The following TRIM58 variants were observed in gnomAD, a reference collection of about 807,000 sequenced individuals.
The protein encoded by TRIM58 is tripartite motif containing 58, also known as E3 ubiquitin-protein ligase TRIM58.
TRIM58 carries 38 observed loss-of-function variants against 34.1 expected under a neutral mutation model. The observed-to-expected ratio is 1.12, with a 90% CI of 0.86 to 1.46. The LOEUF (loss-of-function observed/expected upper bound fraction) is 1.46. TRIM58 is among the 40% of genes most tolerant of loss of function. TRIM58 has a pLI of 0.00. For missense variants in TRIM58, 677 were observed against 642.0 expected (o/e 1.05, Z -0.59); for synonymous variants, 273 against 275.7 (o/e 0.99, Z 0.10).
chr1:247,868,362 C>G (rs1663977780), intron 5 of TRIM58, among the ~76,000 whole-genome samples: 1 of 152,064 alleles, frequency 6.6e-6, no homozygotes, highest in Admixed American at 6.5e-5. Flanking sequence ...GTGCTGGGAG[C>G]CATAGAAAAG....
At chr1:247,874,111 G>T (rs1659217892) in intron 5 of TRIM58, among the ~76,000 whole-genome samples, 1 of 152,178 alleles carries the variant, frequency 6.6e-6, no homozygotes, top group Admixed American at 6.5e-5. Context: ...GTCTGATTTT[G>T]CATTGCTATA....
Position 247,876,769 on chromosome 1 carries a change from G to T in TRIM58, c.*280G>T. 8 of 405,916 alleles carry T rather than the reference G, an allele frequency of 2.0e-5. No homozygotes were observed. The highest frequency in any genetic ancestry group is 7.8e-5 in the South Asian group (2 of 25,800). The allele number at this position is 405,916 out of a possible 1,614,324, so 25.1% of individuals were successfully genotyped here. A position where few individuals can be genotyped will look rare whatever the true frequency, so the allele number is the denominator to read the frequency against. ...AAATTAATGACCTTGGATTACATAAGGATTTCTATGCATTCATTATAATTT... is the reference window on the plus strand; with the variant it reads ...AAATTAATGACCTTGGATTACATAATGATTTCTATGCATTCATTATAATTT... On this transcript the variant is annotated 3_prime_UTR_variant, in exon 6 of 6. Transcript: ENST00000366481.
intron 5 of TRIM58, 124 bp downstream of exon 5, chr1:247,868,187 A>G (rs573624218): frequency 1.5e-5 from 11 of 753,650 alleles, no homozygotes; most frequent in African/African-American, 1.2e-4. Flanking sequence ...GTTTGTCACT[A>G]TGCCAGTCAG....
In TRIM58 at chr1:247,876,665, A is replaced by G; in HGVS notation, c.*176A>G. ...ATATGAAATATTTGCATATGGGAAG[A>G]TTATAGAGCATAATAATTTTGTAAA... On this transcript the variant is annotated 3_prime_UTR_variant, in exon 6 of 6. Coordinates refer to ENST00000366481, the MANE Select transcript of TRIM58 (RefSeq NM_015431.4). The G allele has an allele frequency of 1.7e-6, 1 of 591,150 alleles. No homozygotes were observed. The highest frequency in any genetic ancestry group is 2.2e-5 in the South Asian group (1 of 44,668). 36.6% of individuals were successfully genotyped at this position (591,150 alleles called of 1,614,324 possible).
intron 1 of TRIM58, among the ~76,000 whole-genome samples, chr1:247,858,825 A>G (rs915642839): frequency 1.1e-4 from 15 of 132,858 alleles, no homozygotes; most frequent in Non-Finnish European, 2.2e-4. Context: ...CAGTGGCGCA[A>G]TCTCGGCTCA....
chr1:247,872,653 A>T (rs867217735), intron 5 of TRIM58, among the ~76,000 whole-genome samples: 1 of 152,230 alleles, frequency 6.6e-6, no homozygotes, highest in East Asian at 1.9e-4. Context: ...AGCTAAGCAC[A>T]TGCATTGGGA....
intron 5 of TRIM58, among the ~76,000 whole-genome samples, chr1:247,873,500 A>C (rs1307369946): frequency 6.6e-6 from 1 of 152,118 alleles, no homozygotes; most frequent in Non-Finnish European, 1.5e-5. Context: ...ATCCATGGAG[A>C]CCTACCTTTC....
intron 3 of TRIM58, 107 bp downstream of exon 3, chr1:247,865,042 A>G: frequency 2.8e-6 from 3 of 1,062,888 alleles, no homozygotes; most frequent in Non-Finnish European, 2.6e-6. Flanking sequence ...CTTTAGGAAA[A>G]GGGCACCCTC....
Position 247,877,762 on chromosome 1 carries a change from A to T in TRIM58, c.*1273A>T, listed in dbSNP as rs1246672762. The T allele has an allele frequency of 6.6e-6, 1 of 152,216 alleles. No individual in the cohort carries two copies. Among genetic ancestry groups the T allele is most frequent in the African/African-American group, 2.4e-5 (1 of 41,456 alleles). The allele number at this position is 152,216 out of a possible 1,614,324, so 9.4% of individuals were successfully genotyped here. ...TTATAATGATGATGATGAAATCATG[A>T]TAATATTTAACTTATTTTTAAAGTA... On this transcript the variant is annotated 3_prime_UTR_variant, in exon 6 of 6. Coordinates refer to ENST00000366481, the MANE Select transcript of TRIM58 (RefSeq NM_015431.4).
chr1:247,857,673 C>G lies in TRIM58; in HGVS notation c.420+7C>G. 2.4e-6 allele frequency: 3 copies of G among 1,225,004 alleles called. No individual in the cohort carries two copies. Among genetic ancestry groups the G allele is most frequent in the Non-Finnish European group, 2.0e-6 (2 of 983,504 alleles). 75.9% of individuals were successfully genotyped at this position (1,225,004 alleles called of 1,614,324 possible). On this transcript the variant is annotated splice_region_variant and intron_variant, in intron 1 of 5. Coordinates refer to ENST00000366481, the MANE Select transcript of TRIM58 (RefSeq NM_015431.4). ...GGCCGCCGGCAGCTACCAGGTGAGGCGCCCCCCGGCGGGGGCTGCGGGCGC... is the reference window on the plus strand; with the variant it reads ...GGCCGCCGGCAGCTACCAGGTGAGGGGCCCCCCGGCGGGGGCTGCGGGCGC...
rs11204535 is a variant in TRIM58, at chr1:247,878,297, A to G, written c.*1808A>G. 35,475 of 152,130 alleles carry G rather than the reference A, an allele frequency of 0.23. 4,750 individuals carry two copies. Among genetic ancestry groups the G allele is most frequent in the East Asian group, 0.33 (1,710 of 5,178 alleles). The allele number at this position is 152,130 out of a possible 1,614,324, so 9.4% of individuals were successfully genotyped here. On this transcript the variant is annotated 3_prime_UTR_variant, in exon 6 of 6. Transcript: ENST00000366481. Reference sequence around the variant, plus strand: ...GGCAAATTATTTAACATTATCTGATAATAATCTGCAGAAGGTTTAATTTTC... The same window carrying G: ...GGCAAATTATTTAACATTATCTGATGATAATCTGCAGAAGGTTTAATTTTC...
chr1:247,861,979 T>A (rs1022139728), intron 2 of TRIM58, among the ~76,000 whole-genome samples: 15 of 151,102 alleles, frequency 9.9e-5, no homozygotes, highest in Admixed American at 9.9e-4. Flanking sequence ...CAAAAAAAAA[T>A]TAGCCAGGCG....
intron 2 of TRIM58, among the ~76,000 whole-genome samples, chr1:247,863,399 A>G (rs527989468): frequency 5.9e-5 from 9 of 152,030 alleles, no homozygotes; most frequent in Non-Finnish European, 1.2e-4. Context: ...TTAGCTGGGC[A>G]TGGTGCTGCG....
rs1558354310 is a variant in TRIM58 at position 247,876,991 on chromosome 1, T to TC, written c.*502_*503insC. 103 of 156,386 alleles carry TC rather than the reference T, an allele frequency of 6.6e-4. No homozygotes were observed. Among genetic ancestry groups the TC allele is most frequent in the Admixed American group, 1.1e-3 (18 of 16,134 alleles). The allele number at this position is 156,386 out of a possible 1,614,324, so 9.7% of individuals were successfully genotyped here. A position where few individuals can be genotyped will look rare whatever the true frequency, so the allele number is the denominator to read the frequency against. On this transcript the variant is annotated 3_prime_UTR_variant, in exon 6 of 6. Transcript: ENST00000366481. The stretch of plus-strand genomic sequence containing the variant: ...TCTCTCCCTGTCACTCTCTCTCTCT[T>TC]GTTCCTTATTTTTTGTTTCTTACCT...
intron 3 of TRIM58, among the ~76,000 whole-genome samples, chr1:247,867,547 T>TA (rs1030215537): frequency 2.0e-5 from 3 of 151,150 alleles, no homozygotes; most frequent in South Asian, 4.2e-4. Flanking sequence ...TACAAAAAAA[T>TA]AAAAAAAATT....
At chr1:247,873,639 G>C (rs1320880721) in intron 5 of TRIM58, among the ~76,000 whole-genome samples, 1 of 152,178 alleles carries the variant, frequency 6.6e-6, no homozygotes, top group Non-Finnish European at 1.5e-5. Context: ...ATAATGCAAT[G>C]CGCAGTTACG....
At position 247,876,593 on chromosome 1, in the gene TRIM58, C is replaced by T; in HGVS notation, c.*104C>T. On this transcript the variant is annotated 3_prime_UTR_variant, in exon 6 of 6. Transcript: ENST00000366481. ...AACAGATACCCCATTTAGGTCAGCA[C>T]TTGATTCGTTGTTGCTGTGAAATAT... is the stretch of plus-strand genomic sequence containing the variant. 1 of 827,140 alleles carries T rather than the reference C, an allele frequency of 1.2e-6. No individual in the cohort carries two copies. Among genetic ancestry groups the T allele is most frequent in the South Asian group, 1.8e-5 (1 of 55,684 alleles). The allele number at this position is 827,140 out of a possible 1,614,324, so 51.2% of individuals were successfully genotyped here.
At chr1:247,864,990 A>T in intron 3 of TRIM58, 55 bp downstream of exon 3, 1 of 1,423,954 alleles carries the variant, frequency 7.0e-7, no homozygotes, top group Non-Finnish European at 9.4e-7. Flanking sequence ...GACAGAGACT[A>T]GTACAATGGC....
At position 247,876,337 on chromosome 1, in the gene TRIM58, A is replaced by C. The variant is rs1409339173; in HGVS notation, c.1309A>C (p.Asn437His). 6.2e-7 allele frequency: 1 copy of C among 1,614,190 alleles called. No homozygotes were observed. The highest frequency in any genetic ancestry group is 2.2e-5 in the East Asian group (1 of 44,874). The part of the protein sequence containing the change: ...VTDGSYIYTF[N>H]QLFSGLLRPY... Reference sequence around the variant, plus strand: ...AGATGGATCTTATATCTACACATTCAACCAACTCTTCTCTGGTCTTCTTCG... The same window carrying C: ...AGATGGATCTTATATCTACACATTCCACCAACTCTTCTCTGGTCTTCTTCG... The change falls in exon 6 of 6, where the codon AAC becomes CAC. Residue 437 changes from asparagine (N) to histidine (H), a missense_variant. Coordinates refer to ENST00000366481, the MANE Select transcript of TRIM58 (RefSeq NM_015431.4).
Sources: allele counts gnomAD v4.1 joint callset (sites outside exome capture counted in the v4.1 genomes callset), GRCh38; gene constraint gnomAD v4.1.1; transcripts MANE v1.5; gene names NCBI Gene and HGNC (gene_info 2026-07-23, HGNC 2026-07-21).